Variants in PLA2G4A observed in about 807,000 individuals in gnomAD.
The protein encoded by PLA2G4A is phospholipase A2 group IVA, also known as cytosolic phospholipase A2.
PLA2G4A carries 40 observed loss-of-function variants against 81.9 expected under a neutral mutation model. That is an observed-to-expected ratio of 0.49 (90% CI 0.38 to 0.64). PLA2G4A has a LOEUF of 0.64. PLA2G4A is among the 30% of genes least tolerant of loss of function. The probability of loss-of-function intolerance (pLI) is 0.00; values close to 1 mark genes in which losing one functional copy is unlikely to be tolerated. For synonymous variants in PLA2G4A, 302 were observed against 296.9 expected (o/e 1.02, Z -0.18); for missense variants, 715 against 905.1 (o/e 0.79, Z 2.69).
intron 7 of PLA2G4A, among the ~76,000 whole-genome samples, chr1:186,917,630 T>C (rs1655186267): frequency 6.6e-6 from 1 of 152,156 alleles, no homozygotes; most frequent in Admixed American, 6.5e-5. Flanking sequence ...TCTGAGCTGA[T>C]TCATAAGGGC....
chr1:186,835,369 G>T (rs1401491961), intron 1 of PLA2G4A, among the ~76,000 whole-genome samples: 1 of 152,130 alleles, frequency 6.6e-6, no homozygotes, highest in Non-Finnish European at 1.5e-5. Flanking sequence ...AATTCATTTT[G>T]TGGACTTTTT....
intron 14 of PLA2G4A, 38 bp downstream of exon 14, chr1:186,956,382 G>A (rs753890833): frequency 6.4e-7 from 1 of 1,571,022 alleles, no homozygotes; most frequent in Non-Finnish European, 8.8e-7. Context: ...GCTAATGCAG[G>A]AGATCTTTAT....
rs12720576 is a variant in PLA2G4A, at chr1:186,927,224, G to T, written c.559-5539G>T. Among the ~76,000 whole-genome samples the T allele has an allele frequency of 1.8e-3, 271 of 152,194 alleles. 3 individuals carry two copies. The East Asian group carries it at 0.021, about 12-fold the overall frequency. On this transcript the variant is annotated intron_variant, in intron 7 of 17. Coordinates refer to ENST00000367466, the MANE Select transcript of PLA2G4A (RefSeq NM_024420.3). ...CACTGCCCTTTTCTCTTTCAACTTT[G>T]TTGCTCTGGAATTCAAATCTGATAA...
intron 5 of PLA2G4A, among the ~76,000 whole-genome samples, chr1:186,898,171 T>C (rs564865549): frequency 3.3e-4 from 50 of 152,218 alleles, no homozygotes; most frequent in Non-Finnish European, 5.4e-4. Context: ...TATAGTATTA[T>C]ATAATTTAAA....
At chr1:186,873,368 A>G (rs1653353293) in intron 3 of PLA2G4A, among the ~76,000 whole-genome samples, 1 of 152,110 alleles carries the variant, frequency 6.6e-6, no homozygotes, top group African/African-American at 2.4e-5. Context: ...TATAAGAACT[A>G]TTTTTAAAAG....
At chr1:186,870,320 G>A in intron 2 of PLA2G4A, 115 bp from the exon 3 acceptor site, 1 of 717,568 alleles carries the variant, frequency 1.4e-6, no homozygotes, top group Non-Finnish European at 2.6e-6. Context: ...ATCAAAGAAT[G>A]TTTCTGGTAT....
chr1:186,866,844 T>A (rs898135715), intron 2 of PLA2G4A, among the ~76,000 whole-genome samples: 6 of 152,234 alleles, frequency 3.9e-5, no homozygotes, highest in African/African-American at 1.4e-4. Flanking sequence ...TTAAGTTAGA[T>A]TTTCAAGAGC....
chr1:186,871,588 C>T (rs1277416797), intron 3 of PLA2G4A, among the ~76,000 whole-genome samples: 1 of 151,988 alleles, frequency 6.6e-6, no homozygotes, highest in African/African-American at 2.4e-5. Flanking sequence ...ACAGCGTGTT[C>T]CAAAGCAAAA....
At chr1:186,833,017 T>C (rs1012034095) in intron 1 of PLA2G4A, among the ~76,000 whole-genome samples, 17 of 152,132 alleles carry the variant, frequency 1.1e-4, no homozygotes, top group African/African-American at 4.1e-4. Context: ...CCTGGAGGGT[T>C]CAGAGATGAT....
At position 186,932,721 on chromosome 1, in the gene PLA2G4A, A is replaced by G. The variant is rs1204792267; in HGVS notation, c.559-42A>G. On this transcript the variant is annotated intron_variant, in intron 7 of 17. Transcript: ENST00000367466. Reference sequence around the variant, plus strand: ...AGACTAAAGGGAACTGTATTTTATGATTTTTACTTTGTGTACAAATCTCTC... The same window carrying G: ...AGACTAAAGGGAACTGTATTTTATGGTTTTTACTTTGTGTACAAATCTCTC... The G allele has an allele frequency of 3.1e-6, 5 of 1,599,728 alleles. 1 individual carries two copies. Among genetic ancestry groups the G allele is most frequent in the Middle Eastern group, 3.3e-4 (2 of 6,042 alleles).
rs748446453 is a variant in PLA2G4A, at chr1:186,965,396, TTA to T, written c.1580-11_1580-10del. On this transcript the variant is annotated splice_polypyrimidine_tract_variant and intron_variant, in intron 14 of 17. Coordinates refer to ENST00000367466, the MANE Select transcript of PLA2G4A (RefSeq NM_024420.3). ...CATTTAATTCATTCTTGTTTTTCTT[TTA>T]TGTTTTTAAGATCCTGATGAATTTG... is the stretch of plus-strand genomic sequence containing the variant. The T allele has an allele frequency of 7.5e-5, 117 of 1,558,180 alleles. No homozygotes were observed. Among genetic ancestry groups the T allele is most frequent in the Non-Finnish European group, 1.0e-4 (114 of 1,129,446 alleles).
chr1:186,928,090 C>T (rs1250258721), intron 7 of PLA2G4A, among the ~76,000 whole-genome samples: 2 of 152,010 alleles, frequency 1.3e-5, no homozygotes. Context: ...TTTTTCTTAT[C>T]TGAGGAAGTG....
chr1:186,971,994 T>C (rs1264494331), intron 15 of PLA2G4A, among the ~76,000 whole-genome samples: 3 of 152,124 alleles, frequency 2.0e-5, no homozygotes, highest in Admixed American at 1.3e-4. Flanking sequence ...ATTGACTTTA[T>C]TTCACATTTG....
At chr1:186,968,400 A>ATGTGTGTGTGTGTGTGTGTGTGTGTG (rs58475951) in intron 15 of PLA2G4A, among the ~76,000 whole-genome samples, 8 of 137,500 alleles carry the variant, frequency 5.8e-5, no homozygotes, top group East Asian at 2.1e-4. Context: ...CGCGGTGTGT[A>ATGTGTGTGTGTGTGTGTGTGTGTGTG]TGTGTGTGTG....
At chr1:186,941,456 G>C (rs1176293926) in intron 10 of PLA2G4A, among the ~76,000 whole-genome samples, 1 of 152,156 alleles carries the variant, frequency 6.6e-6, no homozygotes, top group East Asian at 1.9e-4. Flanking sequence ...TTATGGTTCA[G>C]AACGCACTTA....
At chr1:186,830,451 T>G (rs1453272154) in intron 1 of PLA2G4A, among the ~76,000 whole-genome samples, 1 of 151,298 alleles carries the variant, frequency 6.6e-6, no homozygotes, top group African/African-American at 2.4e-5. Context: ...CTACTAAAAA[T>G]AGAAAAACTA....
intron 10 of PLA2G4A, among the ~76,000 whole-genome samples, chr1:186,944,648 C>A (rs1303004433): frequency 6.6e-6 from 1 of 152,092 alleles, no homozygotes; most frequent in Non-Finnish European, 1.5e-5. Flanking sequence ...TTCATCACTT[C>A]CTTCATGAAA....
chr1:186,893,042 T>C lies in PLA2G4A; in HGVS notation c.147T>C (p.Phe49=). 3 of 1,610,918 alleles carry C rather than the reference T, an allele frequency of 1.9e-6. No individual in the cohort carries two copies. The highest frequency in any genetic ancestry group is 1.1e-5 in the South Asian group (1 of 91,030). ...LDTPDPYVEL[F]ISTTPDSRKR... is the part of the protein sequence containing the mutation. ...CTCCAGATCCCTATGTGGAACTTTT[T>C]ATCTCTACAACCCCTGACAGCAGGA... Residue 49 remains phenylalanine (F), a synonymous_variant, in exon 4 of 18, where the codon TTT becomes TTC. Coordinates refer to ENST00000367466, the MANE Select transcript of PLA2G4A (RefSeq NM_024420.3).
chr1:186,980,897 T>C (rs1352583081), intron 17 of PLA2G4A, among the ~76,000 whole-genome samples: 1 of 152,168 alleles, frequency 6.6e-6, no homozygotes, highest in Non-Finnish European at 1.5e-5. Flanking sequence ...TCAAAATATA[T>C]AGCATATGTC....
Sources: gnomAD v4.1 joint callset for allele counts (sites outside exome capture counted in the v4.1 genomes callset) on GRCh38, gnomAD v4.1.1 for gene constraint, MANE v1.5 for transcripts, NCBI Gene and HGNC (gene_info 2026-07-23, HGNC 2026-07-21) for gene names.